DNA2: variants seen among roughly 807,000 people sequenced by gnomAD.
DNA2 encodes DNA replication ATP-dependent helicase/nuclease DNA2.
DNA2 carries 101 observed loss-of-function variants against 119.1 expected under a neutral mutation model. That is an observed-to-expected ratio of 0.85 (90% CI 0.72 to 1.00). The LOEUF (loss-of-function observed/expected upper bound fraction) is 1.00. Ranked by LOEUF, DNA2 falls within the 50% of genes least tolerant of loss-of-function variation. The probability of loss-of-function intolerance (pLI) is 0.00; values close to 1 mark genes in which losing one functional copy is unlikely to be tolerated. For missense variants in DNA2, 1,121 were observed against 1,255.5 expected, an observed-to-expected ratio of 0.89 and a Z score of 1.62; for synonymous variants, 366 against 424.4, an observed-to-expected ratio of 0.86 and a Z score of 1.69.
intron 10 of DNA2, among the ~76,000 whole-genome samples, chr10:68,433,644 C>T (rs142848533): frequency 2.1e-3 from 327 of 152,242 alleles, no homozygotes; most frequent in Non-Finnish European, 3.7e-3. Context: ...GTTATCTCAC[C>T]GCAGCCCCCT....
intron 4 of DNA2, among the ~76,000 whole-genome samples, chr10:68,460,736 C>T (rs934936118): frequency 2.0e-5 from 3 of 152,012 alleles, no homozygotes; most frequent in Admixed American, 2.0e-4. Context: ...GTGCATTTAA[C>T]CACAATTTTT....
chr10:68,467,160 G>A (rs547786363), intron 3 of DNA2, among the ~76,000 whole-genome samples: 30 of 151,972 alleles, frequency 2.0e-4, no homozygotes, highest in African/African-American at 7.2e-4. Context: ...ATCTCCCACC[G>A]TGAAGTGCAG....
upstream of DNA2, chr10:68,472,056 G>A: frequency 6.3e-7 from 1 of 1,597,712 alleles, no homozygotes; most frequent in Non-Finnish European, 8.5e-7. Flanking sequence ...CCCCTCACCT[G>A]AGCAGCAGGG....
At chr10:68,469,587 A>G (rs1230887640) in intron 2 of DNA2, among the ~76,000 whole-genome samples, 1 of 151,998 alleles carries the variant, frequency 6.6e-6, no homozygotes. Context: ...CTCAGCCTCC[A>G]GAGTACCTGG....
intron 17 of DNA2, among the ~76,000 whole-genome samples, chr10:68,420,296 T>C (rs2051647723): frequency 6.6e-6 from 1 of 152,160 alleles, no homozygotes; most frequent in African/African-American, 2.4e-5. Flanking sequence ...CCCAGCACTT[T>C]GGGAGGCTGA....
At chr10:68,424,534 A>T in intron 14 of DNA2, 2 of 735,314 alleles carry the variant, frequency 2.7e-6, no homozygotes, top group Non-Finnish European at 5.0e-6. Context: ...AACAGGCCTG[A>T]GGCCGCCGCT....
At chr10:68,451,391 A>G (rs2133416252) in intron 5 of DNA2, among the ~76,000 whole-genome samples, 1 of 152,218 alleles carries the variant, frequency 6.6e-6, no homozygotes, top group East Asian at 1.9e-4. Context: ...AAGGGAACAT[A>G]TAAATGTTGA....
At chr10:68,447,933 G>A (rs949663744) in intron 6 of DNA2, among the ~76,000 whole-genome samples, 10 of 149,502 alleles carry the variant, frequency 6.7e-5, no homozygotes, top group East Asian at 2.0e-4. Context: ...GCAGTGAGCC[G>A]AGATCGCGCC....
intron 1 of DNA2, among the ~76,000 whole-genome samples, chr10:68,471,247 A>G (rs1174948628): frequency 6.6e-6 from 1 of 152,218 alleles, no homozygotes; most frequent in Non-Finnish European, 1.5e-5. Flanking sequence ...ACCTCAGGCC[A>G]TGAATTTCGC....
chr10:68,472,315 C>T (rs2052393116), upstream of DNA2, among the ~76,000 whole-genome samples: 1 of 152,184 alleles, frequency 6.6e-6, no homozygotes, highest in Admixed American at 6.6e-5. Flanking sequence ...CAAAACCAGG[C>T]GCCCCTGGTT....
In DNA2 at chr10:68,442,916, C is replaced by G; in HGVS notation, c.1415+1G>C. 6.2e-7 allele frequency: 1 copy of G among 1,607,414 alleles called. No homozygotes were observed. The highest frequency in any genetic ancestry group is 8.5e-7 in the Non-Finnish European group (1 of 1,177,272). Reference sequence around the variant, plus strand: ...CTTACTGTACTAAATGGACCACTTACATTTCCGAAGCAGGCATTAGCCAGA... The same window carrying G: ...CTTACTGTACTAAATGGACCACTTAGATTTCCGAAGCAGGCATTAGCCAGA... On this transcript the variant is annotated splice_donor_variant, in intron 9 of 20. Transcript: ENST00000358410. LOFTEE classifies it high-confidence loss of function.
intron 10 of DNA2, among the ~76,000 whole-genome samples, chr10:68,433,183 TCA>T (rs776736011): frequency 2.6e-5 from 4 of 152,188 alleles, no homozygotes; most frequent in Admixed American, 6.6e-5. Flanking sequence ...CTGGTCCTGA[TCA>T]CAGTTAATGG....
In DNA2 at chr10:68,422,721, G is replaced by A; in HGVS notation, c.2378C>T (p.Pro793Leu). ...CCTTGCTTCACGGTTTAGCACCAGG[G>A]GAGGAAGCTGCTGATGGTCCCCCAC... ...VLVGDHQQLP[P>L]LVLNREARAL... The change falls in exon 15 of 21, where the codon CCC becomes CTC. Residue 793 changes from proline (P) to leucine (L), a missense_variant. Coordinates refer to ENST00000358410, the MANE Select transcript of DNA2 (RefSeq NM_001080449.3). 2 of 1,612,246 alleles carry A rather than the reference G, an allele frequency of 1.2e-6. No homozygotes were observed. The highest frequency in any genetic ancestry group is 1.1e-5 in the South Asian group (1 of 90,802).
In DNA2 at chr10:68,469,969, C is replaced by T. The variant is rs940347608; in HGVS notation, c.257+12G>A. On this transcript the variant is annotated intron_variant, in intron 2 of 20. Transcript: ENST00000358410. Reference sequence around the variant, plus strand: ...AGATTCAAATCGGTGCTCAAAGTCACATAAAAATTACCAGTCATTCCTAAG... The same window carrying T: ...AGATTCAAATCGGTGCTCAAAGTCATATAAAAATTACCAGTCATTCCTAAG... 3.8e-6 allele frequency: 6 copies of T among 1,590,922 alleles called. No individual in the cohort carries two copies. The highest frequency in any genetic ancestry group is 4.3e-6 in the Non-Finnish European group (5 of 1,173,424).
intron 9 of DNA2, among the ~76,000 whole-genome samples, chr10:68,441,352 A>G (rs532147739): frequency 7.4e-4 from 112 of 151,960 alleles, no homozygotes; most frequent in East Asian, 3.9e-3. Flanking sequence ...AAAAAAAAAA[A>G]AAAGAAAAAT....
chr10:68,419,958 G>T, intron 17 of DNA2, 66 bp from the exon 18 acceptor site: 1 of 1,313,064 alleles, frequency 7.6e-7, no homozygotes, highest in South Asian at 1.2e-5. Flanking sequence ...GTACGCAACT[G>T]GCCATAAAGA....
intron 14 of DNA2, chr10:68,424,646 C>T: frequency 6.2e-7 from 1 of 1,603,350 alleles, no homozygotes; most frequent in Non-Finnish European, 8.5e-7. Flanking sequence ...ACCGGAAGAT[C>T]ATGTCATCCC....
At chr10:68,456,918 A>C (rs980204055) in intron 5 of DNA2, among the ~76,000 whole-genome samples, 1 of 151,682 alleles carries the variant, frequency 6.6e-6, no homozygotes, top group Non-Finnish European at 1.5e-5. Flanking sequence ...GCGGATTACA[A>C]GGTCAGGAGA....
Position 68,437,073 on chromosome 10 carries a change from A to G in DNA2, c.1584T>C (p.Phe528=). ...CCTTCACATATCCTCTAGACAAAGCAAACAGTGACCTTTCTTCTCCACTTA... is the reference window on the plus strand; with the variant it reads ...CCTTCACATATCCTCTAGACAAAGCGAACAGTGACCTTTCTTCTCCACTTA... ...VIVSGEERSL[F]ALSRGYVKEI... The change falls in exon 10 of 21, where the codon TTT becomes TTC. Residue 528 remains phenylalanine (F), a synonymous_variant. Coordinates refer to ENST00000358410, the MANE Select transcript of DNA2 (RefSeq NM_001080449.3). 6.2e-7 allele frequency: 1 copy of G among 1,613,990 alleles called. No individual in the cohort carries two copies.
Sources: gnomAD v4.1 joint callset for allele counts (sites outside exome capture counted in the v4.1 genomes callset) on GRCh38, gnomAD v4.1.1 for gene constraint, MANE v1.5 for transcripts, NCBI Gene and HGNC (gene_info 2026-07-23, HGNC 2026-07-21) for gene names.